STIMATE: variants seen among roughly 807,000 people sequenced by gnomAD.
STIMATE encodes store-operated calcium entry regulator STIMATE.
STIMATE carries 15 observed loss-of-function variants against 36.7 expected under a neutral mutation model. That is an observed-to-expected ratio of 0.41 (90% CI 0.27 to 0.63). STIMATE has a LOEUF of 0.63. Ranked by LOEUF, STIMATE falls within the 20% of genes least tolerant of loss-of-function variation. STIMATE has a pLI of 0.32. For synonymous variants in STIMATE, 163 were observed against 162.3 expected (o/e 1.00, Z -0.03); for missense variants, 305 against 397.3 (o/e 0.77, Z 1.98).
intron 3 of STIMATE, among the ~76,000 whole-genome samples, chr3:52,850,141 T>C (rs570762464): frequency 6.6e-6 from 1 of 152,328 alleles, no homozygotes; most frequent in African/African-American, 2.4e-5. Flanking sequence ...ACTTTAAAAC[T>C]GCCAGTGCTG....
intron 1 of STIMATE, among the ~76,000 whole-genome samples, chr3:52,879,947 G>A (rs1242250843): frequency 6.6e-6 from 1 of 152,212 alleles, no homozygotes; most frequent in Admixed American, 6.5e-5. Context: ...GAATTCTGGA[G>A]ACGGGCTTGC....
intron 1 of STIMATE, among the ~76,000 whole-genome samples, chr3:52,858,730 T>TTA (rs1246142668): frequency 6.6e-6 from 1 of 152,240 alleles, no homozygotes; most frequent in Non-Finnish European, 1.5e-5. Flanking sequence ...TATACAAGTA[T>TTA]TATTGCAGGT....
At chr3:52,861,190 G>A (rs988312160) in intron 1 of STIMATE, among the ~76,000 whole-genome samples, 1 of 152,184 alleles carries the variant, frequency 6.6e-6, no homozygotes, top group Admixed American at 6.5e-5. Context: ...TCAGGTTCCC[G>A]AACACAGAGC....
At chr3:52,849,139 C>T (rs752937073) in intron 4 of STIMATE, among the ~76,000 whole-genome samples, 17 of 152,196 alleles carry the variant, frequency 1.1e-4, no homozygotes, top group Non-Finnish European at 2.2e-4. Flanking sequence ...TCCTCTGTGG[C>T]CCTCTCAAGG....
At chr3:52,866,882 C>T (rs546163228) in intron 1 of STIMATE, among the ~76,000 whole-genome samples, 27 of 152,294 alleles carry the variant, frequency 1.8e-4, no homozygotes, top group Non-Finnish European at 3.2e-4. Context: ...AGTCAAAAAG[C>T]ACAACTGTCT....
intron 1 of STIMATE, among the ~76,000 whole-genome samples, chr3:52,890,849 C>T (rs932373245): frequency 2.0e-5 from 3 of 152,168 alleles, no homozygotes; most frequent in Admixed American, 6.5e-5. Context: ...AAAGGGACTC[C>T]GTGCTGCCTG....
At chr3:52,866,164 G>A (rs1247793954) in intron 1 of STIMATE, among the ~76,000 whole-genome samples, 1 of 152,244 alleles carries the variant, frequency 6.6e-6, no homozygotes, top group Non-Finnish European at 1.5e-5. Context: ...CTTATTCTGT[G>A]GCGCCGCTCT....
At chr3:52,855,307 C>A in intron 2 of STIMATE, 89 bp downstream of exon 2, 1 of 1,493,230 alleles carries the variant, frequency 6.7e-7, no homozygotes, top group Non-Finnish European at 9.1e-7. Flanking sequence ...CCATGCCCTC[C>A]CCACTCCAAC....
intron 1 of STIMATE, among the ~76,000 whole-genome samples, chr3:52,860,700 G>A (rs1300593651): frequency 1.3e-5 from 2 of 152,210 alleles, no homozygotes; most frequent in African/African-American, 4.8e-5. Context: ...GCACTGACCG[G>A]GGCAATAGGA....
rs769328591 is a variant in STIMATE at position 52,852,625 on chromosome 3, T to C, written c.283A>G (p.Thr95Ala). The change falls in exon 3 of 8, where the codon ACT (threonine) becomes GCT (alanine). Residue 95 changes from threonine (T) to alanine (A), a missense_variant. Thr to Ala is a moderately conservative substitution (Grantham distance 58). Coordinates refer to ENST00000355083, the MANE Select transcript of STIMATE (RefSeq NM_198563.5). ...HFANVYLADLTEEDPCSLYLI... is the reference protein window; with the variant it reads ...HFANVYLADLAEEDPCSLYLI... ...TACAGTGAACAAGGGTCCTCTTCAG[T>C]GAGATCTGCTAGGTATACATTTGCA... 3.8e-5 allele frequency: 62 copies of C among 1,614,068 alleles called. No individual in the cohort carries two copies. The highest frequency in any genetic ancestry group is 5.2e-5 in the Non-Finnish European group (61 of 1,179,918).
intron 1 of STIMATE, among the ~76,000 whole-genome samples, chr3:52,874,391 A>T (rs1701463798): frequency 6.6e-6 from 1 of 152,244 alleles, no homozygotes; most frequent in Non-Finnish European, 1.5e-5. Flanking sequence ...CTATTTTTAT[A>T]CATCAACAAA....
Position 52,840,572 on chromosome 3 carries a change from G to A in STIMATE, c.807C>T (p.Asp269=), listed in dbSNP as rs777754198. 14 of 1,613,922 alleles carry A rather than the reference G, an allele frequency of 8.7e-6. No individual in the cohort carries two copies. Among genetic ancestry groups the A allele is most frequent in the Non-Finnish European group, 1.1e-5 (13 of 1,179,950 alleles). The change falls in exon 8 of 8, where the codon GAC becomes GAT. Residue 269 remains aspartate (D), a synonymous_variant. Coordinates refer to ENST00000355083, the MANE Select transcript of STIMATE (RefSeq NM_198563.5). ...ISADDEMEES[D]VEEDLRRLTP... is the part of the protein sequence containing the mutation. ...TCAGTCTGCGGAGGTCCTCCTCCAC[G>A]TCGGACTCCTCCATCTCATCATCCG...
intron 1 of STIMATE, among the ~76,000 whole-genome samples, chr3:52,871,515 G>A (rs900511460): frequency 1.4e-4 from 22 of 152,090 alleles, no homozygotes; most frequent in African/African-American, 1.2e-4. Context: ...CCTGTGGCAG[G>A]GACAGCTTCC....
In STIMATE at chr3:52,897,382, C is replaced by A. The variant is rs1202850983; in HGVS notation, c.69G>T (p.Gly23=). The A allele has an allele frequency of 1.3e-6, 2 of 1,516,358 alleles. No homozygotes were observed. The highest frequency in any genetic ancestry group is 1.8e-6 in the Non-Finnish European group (2 of 1,138,664). 93.9% of individuals were successfully genotyped at this position (1,516,358 alleles called of 1,614,324 possible). ...PGGPPSTVAS[G]AGRCESGALM... ...GCGCGCCGCTCTCGCAGCGGCCCGC[C>A]CCGGACGCGACTGTGGAGGGCGGCC... Residue 23 remains glycine (G), a synonymous_variant, in exon 1 of 8, where the codon GGG becomes GGT. Coordinates refer to ENST00000355083, the MANE Select transcript of STIMATE (RefSeq NM_198563.5).
At chr3:52,849,590 T>C (rs991939411) in intron 4 of STIMATE, among the ~76,000 whole-genome samples, 1 of 151,638 alleles carries the variant, frequency 6.6e-6, no homozygotes, top group African/African-American at 2.4e-5. Context: ...TGCCATAAGG[T>C]GAGGGCCTTG....
chr3:52,887,345 T>A (rs1397376961), intron 1 of STIMATE, among the ~76,000 whole-genome samples: 1 of 152,200 alleles, frequency 6.6e-6, no homozygotes, highest in African/African-American at 2.4e-5. Flanking sequence ...CATCTTCAGG[T>A]GGCACTGTGT....
chr3:52,893,115 G>C (rs1286258646), intron 1 of STIMATE, among the ~76,000 whole-genome samples: 1 of 151,876 alleles, frequency 6.6e-6, no homozygotes, highest in East Asian at 1.9e-4. Flanking sequence ...GACTGAAAAC[G>C]TAACCAGACA....
At chr3:52,843,295 G>A in intron 6 of STIMATE, 1 of 396,316 alleles carries the variant, frequency 2.5e-6, no homozygotes, top group Non-Finnish European at 4.6e-6. Context: ...TGGGTGGCCG[G>A]CACACCCTGC....
chr3:52,897,484 G>A lies in STIMATE; in HGVS notation c.-34C>T. 1 of 1,214,358 alleles carries A rather than the reference G, an allele frequency of 8.2e-7. No individual in the cohort carries two copies. The highest frequency in any genetic ancestry group is 1.0e-6 in the Non-Finnish European group (1 of 977,726). The allele number at this position is 1,214,358 out of a possible 1,614,324, so 75.2% of individuals were successfully genotyped here. A position where few individuals can be genotyped will look rare whatever the true frequency, so the allele number is the denominator to read the frequency against. On this transcript the variant is annotated 5_prime_UTR_variant, in exon 1 of 8. Transcript: ENST00000355083. Reference sequence around the variant, plus strand: ...TCGCGGGAGGGGCGCGAGGGCCCAGGGCCCGCCCGGCCTCGCTGCCTGCCG... The same window carrying A: ...TCGCGGGAGGGGCGCGAGGGCCCAGAGCCCGCCCGGCCTCGCTGCCTGCCG...
Sources: gnomAD v4.1 joint callset for allele counts (sites outside exome capture counted in the v4.1 genomes callset) on GRCh38, gnomAD v4.1.1 for gene constraint, MANE v1.5 for transcripts, NCBI Gene and HGNC (gene_info 2026-07-23, HGNC 2026-07-21) for gene names.